CUBN: variants seen among roughly 807,000 people sequenced by gnomAD.
CUBN encodes 460 kDa receptor.
In CUBN, 282 loss-of-function variants were observed where a neutral mutation model predicts 405.3. That is an observed-to-expected ratio of 0.70 (90% CI 0.63 to 0.77). The LOEUF (loss-of-function observed/expected upper bound fraction) is 0.77, where lower values mean the gene tolerates loss of function less well. Ranked by LOEUF, CUBN falls within the 30% of genes least tolerant of loss-of-function variation. The pLI is 0.00. For synonymous variants in CUBN, 1,684 were observed against 1,617.0 expected (o/e 1.04, Z -0.99); for missense variants, 4,514 against 4,475.2 (o/e 1.01, Z -0.25).
chr10:16,989,898 G>C (rs1339037578), intron 29 of CUBN, among the ~76,000 whole-genome samples: 1 of 152,314 alleles, frequency 6.6e-6, no homozygotes, highest in South Asian at 2.1e-4. Flanking sequence ...CTTTCTGGGG[G>C]AGCTTTCTCA....
At chr10:17,111,122 AC>A (rs1169880095) in intron 8 of CUBN, 72 bp from the exon 9 acceptor site, 1 of 1,523,300 alleles carries the variant, frequency 6.6e-7, no homozygotes, top group Non-Finnish European at 9.1e-7. Flanking sequence ...AAGAGTCAAA[AC>A]ATATAAAAAC....
At chr10:16,877,139 CACAA>C (rs756731094) in intron 56 of CUBN, 42 bp from the exon 57 acceptor site, 80 of 1,549,616 alleles carry the variant, frequency 5.2e-5, no homozygotes, top group Non-Finnish European at 6.7e-5. Context: ...TCAGAACCTA[CACAA>C]ACAATTAAGG....
intron 58 of CUBN, among the ~76,000 whole-genome samples, chr10:16,871,487 GT>G (rs1012747200): frequency 6.6e-6 from 1 of 150,558 alleles, no homozygotes; most frequent in African/African-American, 2.4e-5. Context: ...AAAATTGTTG[GT>G]TTTTTTTCTA....
At position 17,084,363 on chromosome 10, in the gene CUBN, T is replaced by C. The variant is rs779604235; in HGVS notation, c.2209A>G (p.Met737Val). The part of the protein sequence containing the change: ...PFTHTRQCVY[M>V]MKQPQGEQIQ... ...TGTTCTCCCTGGGGCTGCTTCATCA[T>C]ATAGACGCATTGCCTGGTGTGAGTG... The change falls in exon 17 of 67, where the codon ATG (methionine) becomes GTG (valine). Residue 737 changes from methionine to valine, a missense_variant. Met to Val is a conservative substitution (Grantham distance 21). This residue lies in a region of CUBN where 1,448 missense variants were observed against 1,388.0 expected (regional missense o/e 1.04). Transcript: ENST00000377833. 3 of 1,614,168 alleles carry C rather than the reference T, an allele frequency of 1.9e-6. No homozygotes were observed. The highest frequency in any genetic ancestry group is 1.7e-6 in the Non-Finnish European group (2 of 1,180,030).
chr10:17,125,436 T>C (rs761562423), intron 4 of CUBN, among the ~76,000 whole-genome samples: 2 of 152,190 alleles, frequency 1.3e-5, no homozygotes, highest in Non-Finnish European at 1.5e-5. Context: ...TGGGGGTCTC[T>C]TTATGAACCC....
At chr10:16,951,214 G>A (rs1267484212) in intron 33 of CUBN, among the ~76,000 whole-genome samples, 1 of 152,116 alleles carries the variant, frequency 6.6e-6, no homozygotes, top group Non-Finnish European at 1.5e-5. Context: ...TCAGTTTCTG[G>A]CTGGCTGGCA....
Position 16,982,562 on chromosome 10 carries a change from G to T in CUBN, c.4617C>A (p.Val1539=), listed in dbSNP as rs746251212. 6.2e-7 allele frequency: 1 copy of T among 1,613,770 alleles called. No individual in the cohort carries two copies. Among genetic ancestry groups the T allele is most frequent in the Non-Finnish European group, 8.5e-7 (1 of 1,179,694 alleles). ...PYRSNTDCSW[V]IRVDRNHRVL... ...CACGATGATTTCTGTCAACCCGAAT[G>T]ACCCAAGAACAGTCTGTGTTGCTCC... Residue 1539 remains valine, a synonymous_variant, in exon 31 of 67, where the codon GTC becomes GTA. Coordinates refer to ENST00000377833, the MANE Select transcript of CUBN (RefSeq NM_001081.4).
chr10:16,990,008 C>T (rs1372598766), intron 29 of CUBN, among the ~76,000 whole-genome samples: 1 of 152,216 alleles, frequency 6.6e-6, no homozygotes, highest in African/African-American at 2.4e-5. Context: ...TCAGAAGGTC[C>T]CAGCGGATGG....
At chr10:17,005,298 T>C (rs1433653310) in intron 28 of CUBN, among the ~76,000 whole-genome samples, 1 of 152,218 alleles carries the variant, frequency 6.6e-6, no homozygotes, top group African/African-American at 2.4e-5. Context: ...CGGACATTTT[T>C]TTCCAAATTC....
intron 54 of CUBN, among the ~76,000 whole-genome samples, chr10:16,894,976 T>C (rs895286953): frequency 1.3e-5 from 2 of 152,254 alleles, no homozygotes; most frequent in East Asian, 1.9e-4. Flanking sequence ...GCACTTCCCA[T>C]GGGAAAGAAT....
At chr10:16,888,941 C>T (rs1840909878) in intron 55 of CUBN, among the ~76,000 whole-genome samples, 1 of 152,104 alleles carries the variant, frequency 6.6e-6, no homozygotes. Flanking sequence ...TAGTACTTTA[C>T]ACAATTAATG....
chr10:17,061,094 C>CA (rs1835496377), intron 22 of CUBN, among the ~76,000 whole-genome samples: 5 of 151,862 alleles, frequency 3.3e-5, no homozygotes, highest in Admixed American at 3.3e-4. Context: ...AAAAAAAACC[C>CA]AAAAACAAAC....
chr10:17,123,603 A>G lies in CUBN; in HGVS notation c.474T>C (p.Cys158=), dbSNP rs745997152. 1.2e-6 allele frequency: 2 copies of G among 1,613,278 alleles called. No individual in the cohort carries two copies. The highest frequency in any genetic ancestry group is 8.5e-7 in the Non-Finnish European group (1 of 1,179,432). ...GATGACTCACCTTCCACTGTGGGGG[A>G]CAGATACAAAAAAAGGAATCATGCA... is the stretch of plus-strand genomic sequence containing the variant. ...LNLHDSFFCI[C]PPQWKGPLCS... The change falls in exon 5 of 67, where the codon TGT becomes TGC. Residue 158 remains cysteine, a synonymous_variant. Transcript: ENST00000377833.
chr10:16,857,495 T>C (rs1839895801), intron 59 of CUBN, among the ~76,000 whole-genome samples: 1 of 152,220 alleles, frequency 6.6e-6, no homozygotes, highest in Non-Finnish European at 1.5e-5. Flanking sequence ...GCTCTATGCA[T>C]ACATCATTAG....
chr10:17,068,069 A>C lies in CUBN; in HGVS notation c.3003T>G (p.Leu1001=). 6.2e-7 allele frequency: 1 copy of C among 1,609,056 alleles called. No homozygotes were observed. The highest frequency in any genetic ancestry group is 8.5e-7 in the Non-Finnish European group (1 of 1,175,578). ...EVYDTDSETS[L]GRYCGKSIPP... is the part of the protein sequence containing the mutation. ...ACAAACAAACATAACCTTACCTTCC[A>C]AGGGATGTCTCAGAGTCGGTGTCAT... The change falls in exon 21 of 67, where the codon CTT becomes CTG. Residue 1001 remains leucine (L), a synonymous_variant. Transcript: ENST00000377833.
At chr10:17,022,296 A>G (rs1834520759) in intron 27 of CUBN, among the ~76,000 whole-genome samples, 1 of 152,346 alleles carries the variant, frequency 6.6e-6, no homozygotes, top group South Asian at 2.1e-4. Flanking sequence ...TAAAAAGACA[A>G]GCTCAGAAGC....
chr10:16,954,021 A>G (rs1842986796), intron 32 of CUBN, among the ~76,000 whole-genome samples: 2 of 152,218 alleles, frequency 1.3e-5, no homozygotes, highest in African/African-American at 4.8e-5. Flanking sequence ...CACTGCTTCC[A>G]GGGGCTGGCA....
chr10:16,974,695 G>A (rs1833040939), intron 31 of CUBN, among the ~76,000 whole-genome samples: 1 of 152,020 alleles, frequency 6.6e-6, no homozygotes. Context: ...GAACAACAGA[G>A]GTTTGAACTG....
chr10:16,841,717 G>T (rs1407921247), intron 60 of CUBN, among the ~76,000 whole-genome samples: 1 of 152,012 alleles, frequency 6.6e-6, no homozygotes, highest in African/African-American at 2.4e-5. Flanking sequence ...TATCCACATA[G>T]TTTGTCCTCG....
Sources: gnomAD v4.1 joint callset for allele counts (sites outside exome capture counted in the v4.1 genomes callset) on GRCh38, gnomAD v4.1.1 for gene constraint, gnomAD v4.1.1 regional missense constraint, MANE v1.5 for transcripts, NCBI Gene and HGNC (gene_info 2026-07-23, HGNC 2026-07-21) for gene names.